GRID1: variants seen among roughly 807,000 people sequenced by gnomAD.
GRID1 encodes the protein glutamate receptor ionotropic, delta-1.
In GRID1, 28 loss-of-function variants were observed where a neutral mutation model predicts 98.0. The observed-to-expected ratio is 0.29, with a 90% confidence interval of 0.21 to 0.39. The LOEUF is 0.39. GRID1 is among the 10% of genes least tolerant of loss of function. GRID1 has a pLI of 1.00. For missense variants in GRID1, 1,111 were observed against 1,340.5 expected, an observed-to-expected ratio of 0.83 and a Z score of 2.67; for synonymous variants, 553 against 538.5, an observed-to-expected ratio of 1.03 and a Z score of -0.37.
At chr10:86,194,214 G>A (rs1845843102) in intron 3 of GRID1, among the ~76,000 whole-genome samples, 2 of 152,044 alleles carry the variant, frequency 1.3e-5, no homozygotes, top group Admixed American at 6.6e-5. Context: ...GAAGTACTTA[G>A]AGATACATGC....
At chr10:86,275,493 G>T (rs7908884) in intron 2 of GRID1, among the ~76,000 whole-genome samples, 10,775 of 151,940 alleles carry the variant, frequency 0.071, 1,065 homozygotes, top group African/African-American at 0.23. Context: ...TATGCTGAAA[G>T]TGGTAAAGGA....
intron 4 of GRID1, among the ~76,000 whole-genome samples, chr10:85,944,469 A>G (rs1282463545): frequency 6.6e-6 from 1 of 152,230 alleles, no homozygotes; most frequent in Non-Finnish European, 1.5e-5. Flanking sequence ...TGCTGCAAAC[A>G]TATCTGAAAA....
chr10:86,208,250 G>T (rs1237758820), intron 2 of GRID1, among the ~76,000 whole-genome samples: 1 of 152,076 alleles, frequency 6.6e-6, no homozygotes, highest in Non-Finnish European at 1.5e-5. Flanking sequence ...AAATCCTACG[G>T]TTCTCTCCTC....
chr10:85,983,282 C>T (rs1366820036), intron 4 of GRID1, among the ~76,000 whole-genome samples: 1 of 152,198 alleles, frequency 6.6e-6, no homozygotes, highest in East Asian at 1.9e-4. Flanking sequence ...TGTAGTCCAA[C>T]CAGAAAAGCT....
chr10:86,286,335 C>T (rs975867231), intron 2 of GRID1, among the ~76,000 whole-genome samples: 1 of 152,118 alleles, frequency 6.6e-6, no homozygotes, highest in African/African-American at 2.4e-5. Flanking sequence ...TATTGAGGAC[C>T]CAGGAAGGAC....
intron 4 of GRID1, among the ~76,000 whole-genome samples, chr10:85,939,292 A>G (rs1286832936): frequency 6.6e-6 from 1 of 152,238 alleles, no homozygotes; most frequent in African/African-American, 2.4e-5. Context: ...TAGCTTATAG[A>G]CAGGATACAA....
chr10:85,907,934 T>C (rs1428420002), intron 5 of GRID1, among the ~76,000 whole-genome samples: 1 of 152,184 alleles, frequency 6.6e-6, no homozygotes, highest in Non-Finnish European at 1.5e-5. Context: ...AAAAACCATA[T>C]GATCATCTGA....
intron 2 of GRID1, among the ~76,000 whole-genome samples, chr10:86,207,922 G>A (rs1453426543): frequency 6.6e-6 from 1 of 152,324 alleles, no homozygotes; most frequent in Non-Finnish European, 1.5e-5. Context: ...GAGCCACCGC[G>A]CCCGGCCGCA....
At chr10:86,066,589 C>G (rs182101424) in intron 4 of GRID1, among the ~76,000 whole-genome samples, 1 of 152,320 alleles carries the variant, frequency 6.6e-6, no homozygotes, top group Admixed American at 6.5e-5. Flanking sequence ...TCAGCAAGTT[C>G]CTTAACCTCT....
In GRID1 at chr10:86,364,147, G is replaced by A. The variant is rs550773123; in HGVS notation, c.80-51C>T. 11 of 1,530,296 alleles carry A rather than the reference G, an allele frequency of 7.2e-6. No individual in the cohort carries two copies. The East Asian group carries it at 9.1e-5, about 13-fold the overall frequency. The allele number at this position is 1,530,296 out of a possible 1,614,324, so 94.8% of individuals were successfully genotyped here. On this transcript the variant is annotated intron_variant, in intron 1 of 15. Transcript: ENST00000327946. ...GGACCTGGACAAGAACCCTCTCCCC[G>A]CTTCCCTTGGCCCGAGGGTCAAGGC... is the stretch of plus-strand genomic sequence containing the variant.
intron 2 of GRID1, among the ~76,000 whole-genome samples, chr10:86,345,100 C>T (rs947764194): frequency 6.6e-6 from 1 of 152,208 alleles, no homozygotes; most frequent in African/African-American, 2.4e-5. Flanking sequence ...CACACTTCCT[C>T]TTCCCTTGGC....
chr10:85,940,116 G>A (rs749774214), intron 4 of GRID1, among the ~76,000 whole-genome samples: 78 of 151,772 alleles, frequency 5.1e-4, no homozygotes, highest in Non-Finnish European at 9.7e-4. Flanking sequence ...CTGTGGGCAG[G>A]GGGCATTGTT....
chr10:85,893,700 A>G (rs1305228533), intron 5 of GRID1, among the ~76,000 whole-genome samples: 1 of 152,242 alleles, frequency 6.6e-6, no homozygotes, highest in Non-Finnish European at 1.5e-5. Flanking sequence ...TTAACAGTGT[A>G]AAACATTGCT....
intron 2 of GRID1, among the ~76,000 whole-genome samples, chr10:86,312,242 T>A (rs559510705): frequency 2.6e-5 from 4 of 152,220 alleles, no homozygotes; most frequent in Non-Finnish European, 4.4e-5. Context: ...TCAAAACAAA[T>A]TCCCCCATGC....
At position 85,960,767 on chromosome 10, in the gene GRID1, G is replaced by A. The variant is rs189901558; in HGVS notation, c.727-44528C>T. ...AGCCTGGTTTAATCACTTCTATCAC[G>A]GCCACACCAGCCTTGCTGGAATTGG... On this transcript the variant is annotated intron_variant, in intron 4 of 15. Transcript: ENST00000327946. 1.8e-4 allele frequency among the ~76,000 whole-genome samples: 28 copies of A among 152,258 alleles called. No individual in the cohort carries two copies. In the East Asian group the frequency reaches 4.4e-3, roughly 24 times the overall value.
At chr10:86,292,622 T>G (rs1847531036) in intron 2 of GRID1, among the ~76,000 whole-genome samples, 1 of 152,128 alleles carries the variant, frequency 6.6e-6, no homozygotes, top group African/African-American at 2.4e-5. Flanking sequence ...TTCCTCCCTC[T>G]CTTCAGGGCC....
chr10:85,666,767 A>G (rs1257614017), intron 12 of GRID1, among the ~76,000 whole-genome samples: 1 of 152,046 alleles, frequency 6.6e-6, no homozygotes, highest in East Asian at 1.9e-4. Context: ...GGCATCTAAC[A>G]CTTACGTAGT....
At chr10:86,006,020 A>C (rs1331803212) in intron 4 of GRID1, among the ~76,000 whole-genome samples, 2 of 152,208 alleles carry the variant, frequency 1.3e-5, no homozygotes, top group Non-Finnish European at 2.9e-5. Context: ...ACATGGAAGA[A>C]TAGCCAGTAC....
intron 2 of GRID1, among the ~76,000 whole-genome samples, chr10:86,246,381 C>T (rs916999747): frequency 6.6e-6 from 1 of 152,220 alleles, no homozygotes; most frequent in Non-Finnish European, 1.5e-5. Flanking sequence ...GACAGCCTGG[C>T]CTGTCTGCTA....
Sources: allele counts gnomAD v4.1 joint callset (sites outside exome capture counted in the v4.1 genomes callset), GRCh38; gene constraint gnomAD v4.1.1; transcripts MANE v1.5; gene names NCBI Gene and HGNC (gene_info 2026-07-23, HGNC 2026-07-21).